Variants in CETN3 observed in about 807,000 individuals in gnomAD.
CETN3 encodes the protein centrin-3.
Under a neutral mutation model 20.1 loss-of-function variants are expected in CETN3, and 17 were observed. The observed-to-expected ratio is 0.85, with a 90% CI of 0.58 to 1.27. The LOEUF is 1.27. Ranked by LOEUF, CETN3 falls within the 50% of genes most tolerant of loss-of-function variation. The pLI, the probability that CETN3 is intolerant of heterozygous loss-of-function variation, is 0.00. For synonymous variants in CETN3, 52 were observed against 59.7 expected, an observed-to-expected ratio of 0.87 and a Z score of 0.59; for missense variants, 169 against 191.2, an observed-to-expected ratio of 0.88 and a Z score of 0.69.
In CETN3 at chr5:90,393,088, G is replaced by T. The variant is rs80113126; in HGVS notation, c.*976C>A. On this transcript the variant is annotated 3_prime_UTR_variant, in exon 5 of 5. Coordinates refer to ENST00000283122, the MANE Select transcript of CETN3 (RefSeq NM_004365.4). ...ATAGGTACTATTTTTTTCTATGATC[G>T]ATCTCCATAACCACTTGTTTCCCCC... The T allele has an allele frequency of 2.6e-5, 4 of 151,866 alleles. No individual in the cohort carries two copies. Among genetic ancestry groups the T allele is most frequent in the African/African-American group, 9.7e-5 (4 of 41,334 alleles). 9.4% of individuals were successfully genotyped at this position (151,866 alleles called of 1,614,324 possible).
In CETN3 at chr5:90,392,304, T is replaced by C. The variant is rs1749037950; in HGVS notation, c.*1760A>G. On this transcript the variant is annotated 3_prime_UTR_variant, in exon 5 of 5. Transcript: ENST00000283122. Reference sequence around the variant, plus strand: ...TTTTTCACTTTCCTGGAAATCAATATATTTCATGATCAAGACAGAGGGAAC... The same window carrying C: ...TTTTTCACTTTCCTGGAAATCAATACATTTCATGATCAAGACAGAGGGAAC... 6.6e-6 allele frequency: 1 copy of C among 152,180 alleles called. No individual in the cohort carries two copies. Among genetic ancestry groups the C allele is most frequent in the Non-Finnish European group, 1.5e-5 (1 of 68,020 alleles). The allele number at this position is 152,180 out of a possible 1,614,324, so 9.4% of individuals were successfully genotyped here. A position where few individuals can be genotyped will look rare whatever the true frequency, so the allele number is the denominator to read the frequency against.
In CETN3 at chr5:90,405,763, C is replaced by CT. The variant is rs763570929; in HGVS notation, c.189dup (p.Ala64SerfsTer2). 6.2e-6 allele frequency: 10 copies of CT among 1,612,134 alleles called. No individual in the cohort carries two copies. The highest frequency in any genetic ancestry group is 2.2e-5 in the East Asian group (1 of 44,710). The stretch of plus-strand genomic sequence containing the variant: ...TCTTTAAGAATCTTCAGTACATCAG[C>CT]TTTTTTTACATCAAACCCCAAGGCT... On this transcript the variant is annotated frameshift_variant, in exon 3 of 5. Coordinates refer to ENST00000283122, the MANE Select transcript of CETN3 (RefSeq NM_004365.4). LOFTEE classifies it high-confidence loss of function.
At chr5:90,409,054 A>T (rs1749547437) in intron 1 of CETN3, among the ~76,000 whole-genome samples, 1 of 152,166 alleles carries the variant, frequency 6.6e-6, no homozygotes, top group Admixed American at 6.5e-5. Flanking sequence ...GTTTTACGGT[A>T]CAACGTCTAC....
intron 3 of CETN3, chr5:90,405,459 T>G: frequency 5.9e-6 from 3 of 504,220 alleles, no homozygotes; most frequent in Non-Finnish European, 1.0e-5. Flanking sequence ...AGTTCCTTGG[T>G]TAGAATCTTC....
chr5:90,409,628 G>A lies in CETN3; in HGVS notation c.17+17C>T. 6.2e-7 allele frequency: 1 copy of A among 1,613,862 alleles called. No individual in the cohort carries two copies. The highest frequency in any genetic ancestry group is 8.5e-7 in the Non-Finnish European group (1 of 1,179,904). ...GCTCCGGGGTGTGGAGAGCACTGCC[G>A]CCTCCTTATTACCGACCTCAGAGCT... On this transcript the variant is annotated intron_variant, in intron 1 of 4. Transcript: ENST00000283122.
chr5:90,400,408 AAATT>A (rs1373049449), intron 3 of CETN3, among the ~76,000 whole-genome samples: 1 of 152,154 alleles, frequency 6.6e-6, no homozygotes, highest in African/African-American at 2.4e-5. Context: ...GCCACAATAA[AAATT>A]AAAATAAAAA....
In CETN3 at chr5:90,405,672, T is replaced by C. The variant is rs1326744081; in HGVS notation, c.268+13A>G. 3 of 1,506,382 alleles carry C rather than the reference T, an allele frequency of 2.0e-6. No homozygotes were observed. In the African/African-American group the frequency reaches 4.1e-5, roughly 21 times the overall value. 93.3% of individuals were successfully genotyped at this position (1,506,382 alleles called of 1,614,324 possible). On this transcript the variant is annotated intron_variant, in intron 3 of 4. Transcript: ENST00000283122. ...TAACAGCTGCTGATTACAAAGACTA[T>C]TAAAATACACACCAACTTCATTAAA...
rs1163355445 is a variant in CETN3, at chr5:90,403,906, A to G, written c.268+1779T>C. On this transcript the variant is annotated intron_variant, in intron 3 of 4. Coordinates refer to ENST00000283122, the MANE Select transcript of CETN3 (RefSeq NM_004365.4). ...AAAAAAAAAAAAAAAAAAAATCACA[A>G]TTTTTAAATTGTGTTCATTTAAGGT... 2.7e-5 allele frequency among the ~76,000 whole-genome samples: 4 copies of G among 149,368 alleles called. No individual in the cohort carries two copies. The South Asian group carries it at 8.5e-4, about 32-fold the overall frequency.
chr5:90,409,614 T>G (rs1749571984), intron 1 of CETN3, 31 bp downstream of exon 1: 1 of 1,613,702 alleles, frequency 6.2e-7, no homozygotes, highest in Admixed American at 1.7e-5. Context: ...CTCCGGGGTG[T>G]GGAGAGCACT....
Position 90,392,942 on chromosome 5 carries a change from A to G in CETN3, c.*1122T>C, listed in dbSNP as rs913456131. ...CATTTAAAGCGCCTCAAATGATACT[A>G]CACTTTAAACTTAAAAATTTAAAAC... On this transcript the variant is annotated 3_prime_UTR_variant, in exon 5 of 5. Transcript: ENST00000283122. 2 of 152,234 alleles carry G rather than the reference A, an allele frequency of 1.3e-5. No homozygotes were observed. Among genetic ancestry groups the G allele is most frequent in the African/African-American group, 4.8e-5 (2 of 41,474 alleles). The allele number at this position is 152,234 out of a possible 1,614,324, so 9.4% of individuals were successfully genotyped here.
intron 1 of CETN3, among the ~76,000 whole-genome samples, 184 bp downstream of exon 1, chr5:90,409,461 G>C (rs570496837): frequency 6.6e-6 from 1 of 152,312 alleles, no homozygotes; most frequent in Admixed American, 6.5e-5. Flanking sequence ...CACTGGTCTC[G>C]TTCCCTGCAG....
intron 3 of CETN3, among the ~76,000 whole-genome samples, chr5:90,399,869 T>A (rs1019294714): frequency 1.3e-5 from 2 of 152,216 alleles, no homozygotes; most frequent in Non-Finnish European, 2.9e-5. Context: ...TATCAAGAAT[T>A]GTACTAGGCT....
At chr5:90,396,195 C>A in intron 4 of CETN3, 1 of 985,228 alleles carries the variant, frequency 1.0e-6, no homozygotes, top group South Asian at 4.7e-5. Context: ...GTATGCCTCA[C>A]AGAAATAAGC....
chr5:90,399,570 T>C, intron 3 of CETN3, 21 bp from the exon 4 acceptor site: 3 of 1,569,448 alleles, frequency 1.9e-6, no homozygotes, highest in African/African-American at 1.3e-5. Context: ...AAAACATATA[T>C]ATTTTAATAA....
chr5:90,406,394 A>ATTCTT (rs1252539729), intron 2 of CETN3, among the ~76,000 whole-genome samples: 2 of 151,914 alleles, frequency 1.3e-5, no homozygotes, highest in Non-Finnish European at 2.9e-5. Flanking sequence ...GATGACTGGT[A>ATTCTT]TTAAAAGAAA....
intron 2 of CETN3, among the ~76,000 whole-genome samples, chr5:90,406,501 G>A (rs1424536561): frequency 6.6e-6 from 1 of 151,586 alleles, no homozygotes; most frequent in Non-Finnish European, 1.5e-5. Flanking sequence ...CCTGAATTAG[G>A]AGGTGAATTC....
intron 2 of CETN3, among the ~76,000 whole-genome samples, chr5:90,406,447 TACC>T (rs1749444297): frequency 6.6e-6 from 1 of 151,554 alleles, no homozygotes; most frequent in Admixed American, 6.6e-5. Flanking sequence ...CAGAGCAGTT[TACC>T]TCACCTGAAT....
At chr5:90,400,751 A>G (rs925997559) in intron 3 of CETN3, among the ~76,000 whole-genome samples, 1 of 152,242 alleles carries the variant, frequency 6.6e-6, no homozygotes. Context: ...CTATTATATC[A>G]TCTACACATA....
intron 4 of CETN3, chr5:90,395,901 A>C: frequency 5.4e-6 from 5 of 921,782 alleles, no homozygotes; most frequent in Non-Finnish European, 6.5e-6. Context: ...GGTTCTAGAA[A>C]CCACATAGAA....
Sources: allele counts gnomAD v4.1 joint callset (sites outside exome capture counted in the v4.1 genomes callset), GRCh38; gene constraint gnomAD v4.1.1; transcripts MANE v1.5; gene names NCBI Gene and HGNC (gene_info 2026-07-23, HGNC 2026-07-21).